AFF1: variants seen among roughly 807,000 people sequenced by gnomAD.
AFF1 encodes ALF transcription elongation factor 1, also known as AF4/FMR2 family member 1.
AFF1 carries 48 observed loss-of-function variants against 121.7 expected under a neutral mutation model. The ratio of observed to expected loss-of-function variants is 0.39; its 90% confidence interval spans 0.31 to 0.50. The LOEUF is 0.50. Ranked by LOEUF, AFF1 falls within the 20% of genes least tolerant of loss-of-function variation. The pLI is 0.76. For synonymous variants in AFF1, 613 were observed against 563.0 expected, an observed-to-expected ratio of 1.09 and a Z score of -1.26; for missense variants, 1,523 against 1,511.7, an observed-to-expected ratio of 1.01 and a Z score of -0.12.
rs144688747 is a variant in AFF1 at position 87,093,308 on chromosome 4, TTTATC to T, written c.1228+1482_1228+1486del. ...TTATTCTGCTATTCCGGCAGCCTTA[TTTATC>T]TTTGTGAGAATGTGACCTGAAAAAG... On this transcript the variant is annotated intron_variant, in intron 7 of 20. Coordinates refer to ENST00000395146, the MANE Select transcript of AFF1 (RefSeq NM_001166693.3). Among the ~76,000 whole-genome samples the T allele has an allele frequency of 2.2e-3, 328 of 152,280 alleles. 1 individual carries two copies. Among genetic ancestry groups the T allele is most frequent in the African/African-American group, 7.7e-3 (319 of 41,554 alleles).
intron 1 of AFF1, among the ~76,000 whole-genome samples, chr4:86,936,953 C>A (rs897783628): frequency 6.6e-6 from 1 of 152,060 alleles, no homozygotes; most frequent in Non-Finnish European, 1.5e-5. Context: ...GAGAAAGAAC[C>A]AAGGAAATAA....
At chr4:87,081,002 C>A (rs1208465204) in intron 4 of AFF1, among the ~76,000 whole-genome samples, 1 of 152,060 alleles carries the variant, frequency 6.6e-6, no homozygotes, top group Non-Finnish European at 1.5e-5. Flanking sequence ...GACATTAACT[C>A]TCTAACTTAC....
chr4:86,963,774 T>G lies in AFF1; in HGVS notation c.38+15203T>G, dbSNP rs1291895238. On this transcript the variant is annotated intron_variant, in intron 2 of 20. Coordinates refer to ENST00000395146, the MANE Select transcript of AFF1 (RefSeq NM_001166693.3). ...TCTTAGTCATCCTTTAAGGTTCAGC[T>G]GAAATACCACCTTTTCTTTTCATTT... 2.0e-5 allele frequency among the ~76,000 whole-genome samples: 3 copies of G among 151,922 alleles called. No individual in the cohort carries two copies. In the East Asian group the frequency reaches 5.8e-4, roughly 29 times the overall value.
rs1484474591 is a variant in AFF1 at position 87,131,181 on chromosome 4, A to G, written c.3063A>G (p.Ser1021=). 6.2e-7 allele frequency: 1 copy of G among 1,614,122 alleles called. No homozygotes were observed. The highest frequency in any genetic ancestry group is 8.5e-7 in the Non-Finnish European group (1 of 1,180,046). ...AGTCTGAAAGCCAGTCATCCAAGTC[A>G]GCTTACTCTGTCTACTCAGAAACTG... ...ATESESQSSK[S]AYSVYSETVD... Residue 1021 remains serine, a synonymous_variant, in exon 17 of 21, where the codon TCA becomes TCG. Transcript: ENST00000395146.
chr4:87,055,555 T>G (rs1199409473), intron 4 of AFF1, among the ~76,000 whole-genome samples: 2 of 152,180 alleles, frequency 1.3e-5, no homozygotes, highest in East Asian at 3.9e-4. Flanking sequence ...ATATAGACAT[T>G]CAACTCTTTT....
At chr4:87,100,970 TATC>T (rs1332055709) in intron 8 of AFF1, among the ~76,000 whole-genome samples, 5 of 152,216 alleles carry the variant, frequency 3.3e-5, no homozygotes, top group Non-Finnish European at 7.3e-5. Flanking sequence ...GCACCATTTT[TATC>T]ATATCAACCA....
chr4:87,033,448 TC>T (rs1356650189), intron 2 of AFF1, among the ~76,000 whole-genome samples: 4 of 152,334 alleles, frequency 2.6e-5, no homozygotes, highest in Non-Finnish European at 4.4e-5. Context: ...GAGGGACTCT[TC>T]CTTTTGGAAT....
intron 2 of AFF1, among the ~76,000 whole-genome samples, chr4:86,978,537 TC>T: frequency 6.6e-6 from 1 of 152,228 alleles, no homozygotes; most frequent in East Asian, 1.9e-4. Flanking sequence ...TAGTGTAGTT[TC>T]TTTTTAAATT....
At chr4:87,052,873 G>C (rs531414072) in intron 4 of AFF1, among the ~76,000 whole-genome samples, 2 of 151,988 alleles carry the variant, frequency 1.3e-5, no homozygotes, top group Non-Finnish European at 2.9e-5. Context: ...GAGGGGAGGC[G>C]AGGCATCAAA....
chr4:87,058,214 C>A (rs948093344), intron 4 of AFF1, among the ~76,000 whole-genome samples: 1 of 152,038 alleles, frequency 6.6e-6, no homozygotes. Flanking sequence ...AAACCTGGAC[C>A]CTGGCTCCTA....
chr4:87,023,191 G>A (rs1181690810), intron 2 of AFF1, among the ~76,000 whole-genome samples: 2 of 152,156 alleles, frequency 1.3e-5, no homozygotes, highest in East Asian at 3.8e-4. Flanking sequence ...GTAAGCCACT[G>A]TGCCCAGCAG....
intron 2 of AFF1, among the ~76,000 whole-genome samples, chr4:86,952,477 T>C (rs995289405): frequency 1.3e-5 from 2 of 152,192 alleles, no homozygotes; most frequent in Admixed American, 1.3e-4. Context: ...AGTATTATCA[T>C]TGGCATGATT....
rs757091924 is a variant in AFF1, at chr4:87,092,803, C to G, written c.1228+974C>G. 1.2e-4 allele frequency among the ~76,000 whole-genome samples: 18 copies of G among 152,280 alleles called. 1 individual carries two copies. The highest frequency in any genetic ancestry group is 8.3e-4 in the South Asian group (4 of 4,824). On this transcript the variant is annotated intron_variant, in intron 7 of 20. Transcript: ENST00000395146. ...TATTGCTACAGTATTGTATGAGTAG[C>G]TAGGTAAAATTAACTGAAATGGATG...
intron 4 of AFF1, among the ~76,000 whole-genome samples, chr4:87,076,668 G>T (rs1048532933): frequency 1.3e-5 from 2 of 152,144 alleles, no homozygotes; most frequent in South Asian, 4.1e-4. Context: ...TTTTGTTGTT[G>T]TTTTCCTTGT....
At chr4:87,125,858 G>T (rs530053579) in intron 13 of AFF1, among the ~76,000 whole-genome samples, 2 of 152,306 alleles carry the variant, frequency 1.3e-5, no homozygotes, top group East Asian at 1.9e-4. Context: ...AATGGTTGGG[G>T]AAAGTCAGGA....
chr4:87,127,166 T>TCCCCCCC (rs367995603), intron 15 of AFF1, 49 bp downstream of exon 15: 1 of 1,012,588 alleles, frequency 9.9e-7, no homozygotes, highest in Non-Finnish European at 1.4e-6. Context: ...TTGTTTTGCT[T>TCCCCCCC]CCCCCCCCCA....
chr4:87,120,763 C>A (rs1727608293), intron 12 of AFF1, among the ~76,000 whole-genome samples: 1 of 152,232 alleles, frequency 6.6e-6, no homozygotes, highest in African/African-American at 2.4e-5. Context: ...ATGCTCCCAT[C>A]TTCCTTCACA....
Position 87,132,309 on chromosome 4 carries a change from G to T in AFF1, c.3212G>T (p.Arg1071Leu), listed in dbSNP as rs756601191. Residue 1071 changes from arginine (R) to leucine (L), a missense_variant, in exon 19 of 21, where the codon CGT (arginine) becomes CTT (leucine). By Grantham distance (102) the Arg-to-Leu change is moderately radical (BLOSUM62 -2). This residue lies in a region of AFF1 where 241 missense variants were observed against 265.2 expected (regional missense o/e 0.91). Coordinates refer to ENST00000395146, the MANE Select transcript of AFF1 (RefSeq NM_001166693.3). The part of the protein sequence containing the change: ...CQSILNMAMF[R>L]CKKDIAIKYS... ...TCCATTTTGAACATGGCGATGTTTC[G>T]TTGTAAAAAAGACATAGCAATAAAG... is the stretch of plus-strand genomic sequence containing the variant. 6.2e-7 allele frequency: 1 copy of T among 1,612,534 alleles called. No homozygotes were observed. The highest frequency in any genetic ancestry group is 8.5e-7 in the Non-Finnish European group (1 of 1,179,476).
chr4:87,102,251 G>A (rs576015639), intron 8 of AFF1, among the ~76,000 whole-genome samples: 5 of 152,190 alleles, frequency 3.3e-5, no homozygotes, highest in African/African-American at 1.2e-4. Flanking sequence ...TGAAATAACT[G>A]CCTTGACTTG....
Sources: allele counts gnomAD v4.1 joint callset (sites outside exome capture counted in the v4.1 genomes callset), GRCh38; gene constraint gnomAD v4.1.1; regional missense constraint gnomAD v4.1.1; transcripts MANE v1.5; gene names NCBI Gene and HGNC (gene_info 2026-07-23, HGNC 2026-07-21).